Variants in CACNA1C observed in about 807,000 individuals in gnomAD.
CACNA1C encodes calcium voltage-gated channel subunit alpha1 C.
In CACNA1C, 30 loss-of-function variants were observed where a neutral mutation model predicts 229.0. The ratio of observed to expected loss-of-function variants is 0.13; its 90% CI spans 0.10 to 0.18. The LOEUF (loss-of-function observed/expected upper bound fraction) is 0.18, where lower values mean the gene tolerates loss of function less well. CACNA1C is among the 10% of genes least tolerant of loss of function. The pLI is 1.00. For missense variants in CACNA1C, 1,658 were observed against 2,845.0 expected, an observed-to-expected ratio of 0.58 and a Z score of 9.49; for synonymous variants, 1,114 against 1,132.5, an observed-to-expected ratio of 0.98 and a Z score of 0.33.
At chr12:2,106,780 C>T (rs1290806671) in intron 1 of CACNA1C, among the ~76,000 whole-genome samples, 16 of 114,786 alleles carry the variant, frequency 1.4e-4, no homozygotes, top group African/African-American at 3.5e-4. Context: ...CTCAGCTGGG[C>T]GTCCTGAAGC....
chr12:2,446,233 GGGTAGGTGGGTGGATA>G (rs2099277643), intron 3 of CACNA1C, among the ~76,000 whole-genome samples: 1 of 146,508 alleles, frequency 6.8e-6, no homozygotes, highest in Non-Finnish European at 1.5e-5. Flanking sequence ...ATGGATGGAT[GGGTAGGTGGGTGGATA>G]GATGGATAGC....
At chr12:2,129,117 C>G (rs921639795) in intron 3 of CACNA1C, among the ~76,000 whole-genome samples, 1 of 152,186 alleles carries the variant, frequency 6.6e-6, no homozygotes, top group Admixed American at 6.5e-5. Context: ...CGGGCTCACA[C>G]CTTTGGGAAA....
chr12:2,447,896 G>C (rs959650980), intron 3 of CACNA1C, among the ~76,000 whole-genome samples: 3 of 152,268 alleles, frequency 2.0e-5, no homozygotes, highest in African/African-American at 7.2e-5. Flanking sequence ...ACTTGGGGCT[G>C]TGGACAGGCC....
intron 3 of CACNA1C, among the ~76,000 whole-genome samples, chr12:2,413,044 G>C (rs569193393): frequency 6.6e-6 from 1 of 152,364 alleles, no homozygotes; most frequent in East Asian, 1.9e-4. Context: ...TTGAGAAGGA[G>C]TCTCGCTCTG....
intron 3 of CACNA1C, among the ~76,000 whole-genome samples, chr12:2,377,549 C>T (rs2098113576): frequency 6.6e-6 from 1 of 152,110 alleles, no homozygotes; most frequent in African/African-American, 2.4e-5. Context: ...GTTCGCGTTG[C>T]AATTTCGATT....
intron 5 of CACNA1C, among the ~76,000 whole-genome samples, chr12:2,469,324 A>G (rs186285999): frequency 6.6e-6 from 1 of 152,278 alleles, no homozygotes; most frequent in Admixed American, 6.5e-5. Context: ...TTATTCAGAG[A>G]CTACTATCTG....
chr12:2,407,268 C>G (rs2098748724), intron 3 of CACNA1C, among the ~76,000 whole-genome samples: 1 of 152,238 alleles, frequency 6.6e-6, no homozygotes, highest in Non-Finnish European at 1.5e-5. Context: ...ATCGTCTCCA[C>G]CGACACCATG....
intron 3 of CACNA1C, among the ~76,000 whole-genome samples, chr12:2,419,670 G>A (rs889192388): frequency 9.2e-5 from 14 of 152,192 alleles, no homozygotes; most frequent in Non-Finnish European, 1.8e-4. Context: ...TGATTTGGGG[G>A]TTCAAAGAAT....
At chr12:2,613,581 G>C (rs970264122) in intron 29 of CACNA1C, 1 of 152,186 alleles carries the variant, frequency 6.6e-6, no homozygotes, top group Non-Finnish European at 1.5e-5. Context: ...ACATCCTTTG[G>C]TGATAGAACG....
At chr12:2,074,153 GGA>G (rs2062333588) in intron 1 of CACNA1C, among the ~76,000 whole-genome samples, 1 of 151,450 alleles carries the variant, frequency 6.6e-6, no homozygotes, top group Non-Finnish European at 1.5e-5. Flanking sequence ...GTATGTGTTA[GGA>G]TAATGTAGAT....
intron 3 of CACNA1C, among the ~76,000 whole-genome samples, chr12:2,131,680 C>A (rs1471790414): frequency 6.8e-6 from 1 of 146,786 alleles, no homozygotes; most frequent in African/African-American, 2.5e-5. Flanking sequence ...GTTTTGGTAC[C>A]AATACCATGC....
chr12:1,978,256 G>A (rs2035040996), intron 1 of CACNA1C, among the ~76,000 whole-genome samples: 1 of 152,142 alleles, frequency 6.6e-6, no homozygotes. Context: ...ATTACTTGGG[G>A]CTTTCAGTTG....
intron 2 of CACNA1C, among the ~76,000 whole-genome samples, chr12:2,118,848 C>G (rs1333158735): frequency 6.6e-6 from 1 of 152,200 alleles, no homozygotes; most frequent in East Asian, 1.9e-4. Flanking sequence ...TTACTTTTCA[C>G]CCCTGCAAAG....
At chr12:2,321,179 T>G in intron 3 of CACNA1C, among the ~76,000 whole-genome samples, 1 of 151,018 alleles carries the variant, frequency 6.6e-6, no homozygotes, top group Non-Finnish European at 1.5e-5. Context: ...TCCTCCTACC[T>G]GTCCAGGGGA....
chr12:2,068,268 AC>A (rs781227796), intron 1 of CACNA1C, among the ~76,000 whole-genome samples: 20 of 152,278 alleles, frequency 1.3e-4, no homozygotes, highest in Non-Finnish European at 2.1e-4. Context: ...GGTGTGAATG[AC>A]CAGCAGGTAC....
chr12:2,548,868 G>T (rs895711512), intron 9 of CACNA1C, among the ~76,000 whole-genome samples: 11 of 152,150 alleles, frequency 7.2e-5, no homozygotes, highest in Non-Finnish European at 1.0e-4. Context: ...TTCTGTGTCT[G>T]CTGAGGGCTG....
chr12:2,580,313 C>G (rs1425179087), intron 13 of CACNA1C, among the ~76,000 whole-genome samples: 1 of 152,198 alleles, frequency 6.6e-6, no homozygotes, highest in African/African-American at 2.4e-5. Context: ...TGTTGCCATC[C>G]AAACTATGAC....
intron 3 of CACNA1C, among the ~76,000 whole-genome samples, chr12:2,306,243 C>T (rs1490967892): frequency 6.6e-6 from 1 of 152,184 alleles, no homozygotes; most frequent in Non-Finnish European, 1.5e-5. Context: ...GGTTGTTTCT[C>T]AGGCTCTGGT....
intron 3 of CACNA1C, among the ~76,000 whole-genome samples, chr12:2,402,640 T>C (rs979717386): frequency 6.6e-6 from 1 of 152,206 alleles, no homozygotes; most frequent in Admixed American, 6.5e-5. Context: ...CCTATAAATC[T>C]TCAAGTGCAC....
Sources: allele counts gnomAD v4.1 joint callset (sites outside exome capture counted in the v4.1 genomes callset), GRCh38; gene constraint gnomAD v4.1.1; transcripts MANE v1.5; gene names NCBI Gene and HGNC (gene_info 2026-07-23, HGNC 2026-07-21).